OPCML: variants seen among roughly 807,000 people sequenced by gnomAD.
OPCML encodes the protein opioid-binding protein/cell adhesion molecule.
In OPCML, 13 loss-of-function variants were observed where a neutral mutation model predicts 37.8. The observed-to-expected ratio is 0.34, with a 90% CI of 0.22 to 0.55. OPCML has a LOEUF of 0.55. Among genes scored for constraint, OPCML ranks in the 20% least tolerant of loss-of-function variants. OPCML has a pLI of 0.91. For missense variants in OPCML, 341 were observed against 435.6 expected, an observed-to-expected ratio of 0.78 and a Z score of 1.93; for synonymous variants, 176 against 168.8, an observed-to-expected ratio of 1.04 and a Z score of -0.33.
chr11:133,144,205 AC>A (rs1949865075), intron 1 of OPCML, among the ~76,000 whole-genome samples: 1 of 152,224 alleles, frequency 6.6e-6, no homozygotes, highest in Admixed American at 6.5e-5. Flanking sequence ...TCTCTGCTTC[AC>A]TGCGCTCTCT....
chr11:132,635,199 A>T (rs73593128), intron 3 of OPCML, among the ~76,000 whole-genome samples: 6,311 of 152,198 alleles, frequency 0.041, 288 homozygotes, highest in African/African-American at 0.11. Flanking sequence ...AATTGTGGAA[A>T]TCTAAATTTC....
intron 2 of OPCML, among the ~76,000 whole-genome samples, chr11:132,739,207 G>A (rs577317977): frequency 5.9e-5 from 9 of 152,202 alleles, no homozygotes; most frequent in South Asian, 2.1e-4. Flanking sequence ...CCTCTGTCTT[G>A]TCACTTCCCT....
intron 4 of OPCML, among the ~76,000 whole-genome samples, chr11:132,508,009 A>G (rs1271575298): frequency 1.3e-5 from 2 of 152,140 alleles, no homozygotes; most frequent in Non-Finnish European, 2.9e-5. Flanking sequence ...TTGAAATGGG[A>G]AAAGGGGTAT....
chr11:133,198,369 T>G (rs1299258900), intron 1 of OPCML, among the ~76,000 whole-genome samples: 1 of 152,258 alleles, frequency 6.6e-6, no homozygotes, highest in Non-Finnish European at 1.5e-5. Context: ...ACATTGCATT[T>G]TGTTTCCACA....
intron 1 of OPCML, among the ~76,000 whole-genome samples, chr11:133,391,503 C>T (rs996168377): frequency 3.3e-5 from 5 of 152,334 alleles, no homozygotes; most frequent in African/African-American, 1.2e-4. Flanking sequence ...CCCCAACCCC[C>T]AGTTCCAACC....
At chr11:133,159,531 A>C (rs1950113367) in intron 1 of OPCML, among the ~76,000 whole-genome samples, 1 of 152,250 alleles carries the variant, frequency 6.6e-6, no homozygotes, top group South Asian at 2.1e-4. Context: ...GAATAATAAA[A>C]TTTCTGCTTG....
intron 1 of OPCML, among the ~76,000 whole-genome samples, chr11:133,328,105 C>T (rs1943522469): frequency 6.6e-6 from 1 of 151,966 alleles, no homozygotes; most frequent in East Asian, 1.9e-4. Context: ...TACTTCTATG[C>T]CTCATCTATA....
chr11:132,477,927 A>G (rs1045952400), intron 4 of OPCML, among the ~76,000 whole-genome samples: 2 of 152,262 alleles, frequency 1.3e-5, no homozygotes, highest in Admixed American at 1.3e-4. Flanking sequence ...TAAAAGGGAA[A>G]TACTTTATCA....
intron 1 of OPCML, among the ~76,000 whole-genome samples, chr11:133,404,905 G>A (rs540777080): frequency 1.8e-4 from 28 of 152,242 alleles, no homozygotes; most frequent in African/African-American, 6.3e-4. Context: ...GTCTTAAAAC[G>A]TATCATAAAC....
intron 1 of OPCML, among the ~76,000 whole-genome samples, chr11:133,409,518 A>G (rs946119477): frequency 1.3e-5 from 2 of 152,196 alleles, no homozygotes; most frequent in Non-Finnish European, 2.9e-5. Flanking sequence ...ACTAGCTCTA[A>G]TCACTACCGC....
intron 1 of OPCML, among the ~76,000 whole-genome samples, chr11:133,343,516 A>G (rs1218322559): frequency 6.6e-6 from 1 of 152,032 alleles, no homozygotes; most frequent in African/African-American, 2.4e-5. Context: ...ACACAATTTG[A>G]CTCTCAGAGG....
chr11:132,578,882 G>C (rs892594150), intron 3 of OPCML, among the ~76,000 whole-genome samples: 1 of 151,968 alleles, frequency 6.6e-6, no homozygotes, highest in Non-Finnish European at 1.5e-5. Context: ...AGTCACACTT[G>C]GGTTTTACCC....
intron 1 of OPCML, among the ~76,000 whole-genome samples, chr11:133,209,896 A>G (rs1187418003): frequency 6.6e-6 from 1 of 152,222 alleles, no homozygotes; most frequent in Non-Finnish European, 1.5e-5. Flanking sequence ...TAACTTCCAT[A>G]ATGAACATGA....
intron 1 of OPCML, among the ~76,000 whole-genome samples, chr11:133,051,397 A>C (rs1481902837): frequency 6.6e-6 from 1 of 152,180 alleles, no homozygotes; most frequent in Non-Finnish European, 1.5e-5. Flanking sequence ...TAGAGTCTGC[A>C]CCCAGACATT....
intron 1 of OPCML, among the ~76,000 whole-genome samples, chr11:133,506,839 G>A (rs1020710855): frequency 3.9e-5 from 6 of 152,186 alleles, no homozygotes; most frequent in African/African-American, 1.2e-4. Flanking sequence ...GAACGCACTC[G>A]GTGCACGCCT....
chr11:132,633,024 A>C (rs1358357703), intron 3 of OPCML, among the ~76,000 whole-genome samples: 1 of 151,706 alleles, frequency 6.6e-6, no homozygotes, highest in Admixed American at 6.6e-5. Flanking sequence ...AGCTCTCAGC[A>C]ACCAGAATTA....
At chr11:132,630,291 G>C (rs1940013621) in intron 3 of OPCML, among the ~76,000 whole-genome samples, 2 of 152,194 alleles carry the variant, frequency 1.3e-5, no homozygotes, top group Non-Finnish European at 2.9e-5. Flanking sequence ...TGGGCACCGT[G>C]GCTCACACCT....
At chr11:132,655,704 A>T (rs567886965) in intron 3 of OPCML, among the ~76,000 whole-genome samples, 1 of 152,290 alleles carries the variant, frequency 6.6e-6, no homozygotes, top group South Asian at 2.1e-4. Flanking sequence ...CTCTGGCCCC[A>T]CACATGCCAT....
intron 1 of OPCML, among the ~76,000 whole-genome samples, chr11:133,449,228 G>T (rs1381902040): frequency 1.3e-5 from 2 of 152,162 alleles, no homozygotes; most frequent in African/African-American, 2.4e-5. Context: ...CTGGACCAAA[G>T]ATCAACAAGC....
Sources: allele counts gnomAD v4.1 joint callset (sites outside exome capture counted in the v4.1 genomes callset), GRCh38; gene constraint gnomAD v4.1.1; transcripts MANE v1.5; gene names NCBI Gene and HGNC (gene_info 2026-07-23, HGNC 2026-07-21).